LRMDA: variants seen among roughly 807,000 people sequenced by gnomAD.
LRMDA encodes the protein leucine-rich melanocyte differentiation-associated protein.
A neutral mutation model predicts 29.8 loss-of-function variants in LRMDA; 18 were observed. That is an observed-to-expected ratio of 0.60 (90% CI 0.42 to 0.90). LRMDA has a LOEUF of 0.90. Among genes scored for constraint, LRMDA ranks in the 40% least tolerant of loss-of-function variants. LRMDA has a pLI of 0.00. For synonymous variants in LRMDA, 125 were observed against 109.4 expected (o/e 1.14, Z -0.89); for missense variants, 273 against 273.9 (o/e 1.00, Z 0.02).
intron 2 of LRMDA, among the ~76,000 whole-genome samples, chr10:76,015,903 G>T (rs1164141101): frequency 6.6e-6 from 1 of 152,130 alleles, no homozygotes; most frequent in Non-Finnish European, 1.5e-5. Flanking sequence ...TGATTTTCAA[G>T]TCTCATCTCA....
intron 6 of LRMDA, among the ~76,000 whole-genome samples, chr10:76,465,221 G>C (rs189920120): frequency 6.6e-6 from 1 of 152,120 alleles, no homozygotes; most frequent in East Asian, 1.9e-4. Context: ...TGACACTAAG[G>C]GGTCACCAGG....
At chr10:76,448,822 G>T (rs1842378051) in intron 6 of LRMDA, among the ~76,000 whole-genome samples, 1 of 139,520 alleles carries the variant, frequency 7.2e-6, no homozygotes, top group Non-Finnish European at 1.7e-5. Flanking sequence ...ATTAATTTTA[G>T]TAATCTCCTG....
At chr10:76,161,414 G>C (rs1850645342) in intron 5 of LRMDA, among the ~76,000 whole-genome samples, 1 of 152,154 alleles carries the variant, frequency 6.6e-6, no homozygotes, top group Non-Finnish European at 1.5e-5. Flanking sequence ...ATGTGAGTGG[G>C]AAATGAGAAT....
chr10:75,525,533 G>A (rs73275547), intron 2 of LRMDA, among the ~76,000 whole-genome samples: 2,244 of 151,810 alleles, frequency 0.015, 59 homozygotes, highest in African/African-American at 0.052. Flanking sequence ...TGGTAAGACT[G>A]GGATTGAGAT....
chr10:76,218,351 T>G (rs1215038488), intron 5 of LRMDA, among the ~76,000 whole-genome samples: 1 of 152,254 alleles, frequency 6.6e-6, no homozygotes, highest in Non-Finnish European at 1.5e-5. Flanking sequence ...GCCCAAATGA[T>G]GGCAGTGCCG....
intron 2 of LRMDA, among the ~76,000 whole-genome samples, chr10:75,890,687 C>T (rs139735193): frequency 1.3e-5 from 2 of 152,236 alleles, no homozygotes; most frequent in Non-Finnish European, 2.9e-5. Flanking sequence ...TGACTTGGTA[C>T]ACAGAGGTAG....
chr10:76,079,627 T>A (rs1015635152), intron 5 of LRMDA, among the ~76,000 whole-genome samples: 2 of 152,048 alleles, frequency 1.3e-5, no homozygotes, highest in African/African-American at 2.4e-5. Flanking sequence ...ATCAAAATAT[T>A]TAAACCAAAG....
At chr10:76,267,439 C>T (rs551697938) in intron 5 of LRMDA, among the ~76,000 whole-genome samples, 2 of 152,172 alleles carry the variant, frequency 1.3e-5, no homozygotes, top group African/African-American at 4.8e-5. Flanking sequence ...CCTTTTTTAT[C>T]ACTCCAGTAG....
chr10:76,233,725 CAAAA>C (rs907108822), intron 5 of LRMDA, among the ~76,000 whole-genome samples: 17 of 152,196 alleles, frequency 1.1e-4, no homozygotes, highest in African/African-American at 3.9e-4. Context: ...AACAAACAAA[CAAAA>C]AACACTTTCT....
At chr10:76,007,594 G>A (rs1196506098) in intron 2 of LRMDA, among the ~76,000 whole-genome samples, 6 of 152,164 alleles carry the variant, frequency 3.9e-5, no homozygotes, top group Admixed American at 2.6e-4. Context: ...ACGATAGAGT[G>A]GCACTTAGGG....
intron 2 of LRMDA, among the ~76,000 whole-genome samples, chr10:75,537,664 G>C (rs1462353070): frequency 6.6e-6 from 1 of 152,220 alleles, no homozygotes; most frequent in African/African-American, 2.4e-5. Flanking sequence ...ATTGAAGTGA[G>C]CTTGGGTTGC....
At chr10:75,916,446 C>T (rs1043357182) in intron 2 of LRMDA, among the ~76,000 whole-genome samples, 14 of 152,024 alleles carry the variant, frequency 9.2e-5, no homozygotes, top group South Asian at 2.1e-4. Context: ...TATTTCCCAG[C>T]GCCTCATTCC....
At chr10:76,294,995 C>T (rs1488038986) in intron 5 of LRMDA, among the ~76,000 whole-genome samples, 1 of 152,134 alleles carries the variant, frequency 6.6e-6, no homozygotes, top group African/African-American at 2.4e-5. Context: ...TGGGGATCTT[C>T]AGGAGAGGCA....
intron 2 of LRMDA, among the ~76,000 whole-genome samples, chr10:75,898,886 G>A (rs931951017): frequency 6.6e-6 from 1 of 152,152 alleles, no homozygotes; most frequent in South Asian, 2.1e-4. Flanking sequence ...AAAGTTTTGT[G>A]GTGGGATTTT....
chr10:75,702,625 A>T (rs565409282), intron 2 of LRMDA, among the ~76,000 whole-genome samples: 3 of 152,216 alleles, frequency 2.0e-5, no homozygotes, highest in African/African-American at 7.2e-5. Flanking sequence ...AAAAAACCCC[A>T]CAAATATTCA....
rs547276202 is a variant in LRMDA, at chr10:75,665,971, ATTC to A, written c.131+227483_131+227485del. ...GGCCTGTATATGTGTGTTACTTTGAATTCTTCTTTGAACTGATACAATGTCTTA... is the reference window on the plus strand; with the variant it reads ...GGCCTGTATATGTGTGTTACTTTGAATTCTTTGAACTGATACAATGTCTTA... On this transcript the variant is annotated intron_variant, in intron 2 of 6. Transcript: ENST00000611255. Among the ~76,000 whole-genome samples, 64 of 152,250 alleles carry A rather than the reference ATTC, an allele frequency of 4.2e-4. No individual in the cohort carries two copies. In the East Asian group the frequency reaches 0.012, roughly 28 times the overall value.
chr10:75,955,097 A>G (rs1219367690), intron 2 of LRMDA, among the ~76,000 whole-genome samples: 2 of 152,212 alleles, frequency 1.3e-5, no homozygotes, highest in African/African-American at 4.8e-5. Flanking sequence ...GGCACATTAG[A>G]TTCATATAAT....
At chr10:76,538,550 A>C (rs897060208) in intron 6 of LRMDA, among the ~76,000 whole-genome samples, 1 of 144,460 alleles carries the variant, frequency 6.9e-6, no homozygotes, top group South Asian at 2.2e-4. Flanking sequence ...ATATGTATAT[A>C]TATATACACA....
At chr10:75,453,167 C>T (rs76674313) in intron 2 of LRMDA, among the ~76,000 whole-genome samples, 1 of 152,152 alleles carries the variant, frequency 6.6e-6, no homozygotes, top group Non-Finnish European at 1.5e-5. Context: ...TTGTATACCT[C>T]CAACAGGGCA....
Sources: allele counts gnomAD v4.1 joint callset (sites outside exome capture counted in the v4.1 genomes callset), GRCh38; gene constraint gnomAD v4.1.1; transcripts MANE v1.5; gene names NCBI Gene and HGNC (gene_info 2026-07-23, HGNC 2026-07-21).